Variants in PIK3AP1 observed in about 807,000 individuals in gnomAD.
The protein encoded by PIK3AP1 is phosphoinositide-3-kinase adaptor protein 1.
PIK3AP1 carries 21 observed loss-of-function variants against 88.1 expected under a neutral mutation model. The ratio of observed to expected loss-of-function variants is 0.24; its 90% CI spans 0.17 to 0.34. PIK3AP1 has a LOEUF of 0.34. Among genes scored for constraint, PIK3AP1 ranks in the 10% least tolerant of loss-of-function variants. The pLI, the probability that PIK3AP1 is intolerant of heterozygous loss-of-function variation, is 1.00. For synonymous variants in PIK3AP1, 398 were observed against 400.0 expected (o/e 1.00, Z 0.06); for missense variants, 828 against 1,035.7 (o/e 0.80, Z 2.75).
chr10:96,595,482 C>T lies in PIK3AP1; in HGVS notation c.*95G>A. On this transcript the variant is annotated 3_prime_UTR_variant, in exon 17 of 17. Coordinates refer to ENST00000339364, the MANE Select transcript of PIK3AP1 (RefSeq NM_152309.3). ...CAATGAGAATGGATCTTAAGGTCAA[C>T]AGTCATGCTATAAAACTCAACATGA... 2 of 1,295,308 alleles carry T rather than the reference C, an allele frequency of 1.5e-6. No homozygotes were observed. The highest frequency in any genetic ancestry group is 2.2e-6 in the Non-Finnish European group (2 of 900,782). 80.2% of individuals were successfully genotyped at this position (1,295,308 alleles called of 1,614,324 possible). A position where few individuals can be genotyped will look rare whatever the true frequency, so the allele number is the denominator to read the frequency against.
At chr10:96,623,561 T>G in intron 10 of PIK3AP1, 24 bp from the exon 11 acceptor site, 2 of 1,565,898 alleles carry the variant, frequency 1.3e-6, no homozygotes, top group Non-Finnish European at 1.8e-6. Context: ...AATATTCTGA[T>G]TACTGAAAAA....
At chr10:96,613,344 G>A (rs1849160264) in intron 13 of PIK3AP1, among the ~76,000 whole-genome samples, 1 of 152,072 alleles carries the variant, frequency 6.6e-6, no homozygotes, top group Non-Finnish European at 1.5e-5. Flanking sequence ...TTTTATGTTA[G>A]GCATATTTTA....
intron 16 of PIK3AP1, among the ~76,000 whole-genome samples, chr10:96,596,124 A>G (rs973724343): frequency 2.0e-5 from 3 of 152,024 alleles, no homozygotes; most frequent in Non-Finnish European, 2.9e-5. Context: ...GCATGCCCCA[A>G]CCACCTCCTC....
intron 2 of PIK3AP1, among the ~76,000 whole-genome samples, chr10:96,702,417 T>G (rs2134284432): frequency 6.6e-6 from 1 of 151,146 alleles, no homozygotes; most frequent in Non-Finnish European, 1.5e-5. Context: ...GAGAATCGCT[T>G]GAACCGTGGA....
intron 1 of PIK3AP1, among the ~76,000 whole-genome samples, chr10:96,711,358 GTTACCACTGT>G (rs1481208176): frequency 6.6e-6 from 1 of 152,184 alleles, no homozygotes; most frequent in African/African-American, 2.4e-5. Flanking sequence ...TAATGTAACT[GTTACCACTGT>G]TTTGGGTCAT....
intron 2 of PIK3AP1, among the ~76,000 whole-genome samples, chr10:96,691,473 T>A (rs1001452491): frequency 2.3e-4 from 22 of 95,876 alleles, no homozygotes; most frequent in Non-Finnish European, 3.8e-4. Flanking sequence ...GATTGTACAG[T>A]TGGGTTTTAT....
rs767133160 is a variant in PIK3AP1 at position 96,651,671 on chromosome 10, C to T, written c.713-20G>A. 32 of 1,610,540 alleles carry T rather than the reference C, an allele frequency of 2.0e-5. No individual in the cohort carries two copies. The highest frequency in any genetic ancestry group is 2.3e-5 in the Non-Finnish European group (27 of 1,178,846). On this transcript the variant is annotated intron_variant, in intron 4 of 16. Coordinates refer to ENST00000339364, the MANE Select transcript of PIK3AP1 (RefSeq NM_152309.3). ...AAAGGTCTGAACAGAAGAAAAGACA[C>T]TATCAAAATTCCCAGGAAAAACAAG... is the stretch of plus-strand genomic sequence containing the variant.
rs763923650 is a variant in PIK3AP1 at position 96,711,739 on chromosome 10, A to ATTTTTTTTTTTTTTTTTTTT, written c.14-1776_14-1757dup. ...ATTTCCCCCAGGATGAGATTACCAA[A>ATTTTTTTTTTTTTTTTTTTT]TTTTTTTTTTTTTTTTTTTTTTTTT... On this transcript the variant is annotated intron_variant, in intron 1 of 16. Transcript: ENST00000339364. Among the ~76,000 whole-genome samples the ATTTTTTTTTTTTTTTTTTTT allele has an allele frequency of 2.4e-4, 16 of 66,446 alleles. 3 individuals carry two copies. Among genetic ancestry groups the ATTTTTTTTTTTTTTTTTTTT allele is most frequent in the African/African-American group, 1.1e-3 (15 of 14,256 alleles). The allele number at this position is 66,446 out of a possible 152,430, so 43.6% of individuals were successfully genotyped here.
intron 2 of PIK3AP1, among the ~76,000 whole-genome samples, chr10:96,702,497 C>CA (rs573292210): frequency 0.064 from 6,119 of 95,614 alleles, 411 homozygotes; most frequent in African/African-American, 0.19. Context: ...GACTTCGTCT[C>CA]AAAAAAAAAA....
At chr10:96,708,847 T>C (rs893720742) in intron 2 of PIK3AP1, among the ~76,000 whole-genome samples, 1 of 151,768 alleles carries the variant, frequency 6.6e-6, no homozygotes, top group Non-Finnish European at 1.5e-5. Context: ...AAACAATGCC[T>C]TGGCGGGGCA....
At chr10:96,636,255 A>T (rs931452908) in intron 8 of PIK3AP1, among the ~76,000 whole-genome samples, 35 of 149,830 alleles carry the variant, frequency 2.3e-4, no homozygotes, top group Middle Eastern at 6.9e-3. Context: ...TACAAAAATT[A>T]AAAAAAATTA....
At chr10:96,687,507 G>A (rs1282682146) in intron 2 of PIK3AP1, among the ~76,000 whole-genome samples, 2 of 152,130 alleles carry the variant, frequency 1.3e-5, no homozygotes, top group Non-Finnish European at 2.9e-5. Context: ...TCCTGAGAGT[G>A]AATGCCCAAC....
At chr10:96,715,390 C>T (rs564341750) in intron 1 of PIK3AP1, among the ~76,000 whole-genome samples, 2 of 152,222 alleles carry the variant, frequency 1.3e-5, no homozygotes, top group Admixed American at 6.5e-5. Flanking sequence ...AAGGACATTA[C>T]ATAAAAACTA....
chr10:96,622,000 T>C (rs141846571), intron 11 of PIK3AP1, among the ~76,000 whole-genome samples: 83 of 152,330 alleles, frequency 5.4e-4, no homozygotes, highest in Non-Finnish European at 8.2e-4. Flanking sequence ...CTTAAATCCA[T>C]ACCCAGAAGA....
chr10:96,669,751 C>T (rs1425541012), intron 2 of PIK3AP1: 1 of 152,316 alleles, frequency 6.6e-6, no homozygotes, highest in Non-Finnish European at 1.5e-5. Context: ...CAGAGCAAGA[C>T]CCTGTCTCAA....
chr10:96,597,271 T>C lies in PIK3AP1; in HGVS notation c.2361-1637A>G, dbSNP rs111430439. On this transcript the variant is annotated intron_variant, in intron 16 of 16. Coordinates refer to ENST00000339364, the MANE Select transcript of PIK3AP1 (RefSeq NM_152309.3). ...CCTTCTTTTTTTCTTTCTTTCTTTC[T>C]TTCCTTCCTTCCTTCCTTCCTTCCT... Among the ~76,000 whole-genome samples the C allele has an allele frequency of 5.6e-3, 601 of 107,550 alleles. 3 individuals are homozygous for C. The highest frequency in any genetic ancestry group is 0.022 in the African/African-American group (531 of 24,264). The allele number at this position is 107,550 out of a possible 152,430, so 70.6% of individuals were successfully genotyped here.
intron 2 of PIK3AP1, among the ~76,000 whole-genome samples, chr10:96,671,728 C>T (rs1204383507): frequency 6.6e-6 from 1 of 152,072 alleles, no homozygotes; most frequent in Non-Finnish European, 1.5e-5. Flanking sequence ...CCTACAGATA[C>T]TTTCCTAATT....
intron 3 of PIK3AP1, among the ~76,000 whole-genome samples, chr10:96,654,358 T>A (rs1843585846): frequency 6.6e-6 from 1 of 152,028 alleles, no homozygotes. Flanking sequence ...TCCCCAGATA[T>A]TCCTCCTAAG....
Position 96,645,462 on chromosome 10 carries a change from G to C in PIK3AP1, c.1375+11C>G. 6.2e-7 allele frequency: 1 copy of C among 1,611,226 alleles called. No individual in the cohort carries two copies. The highest frequency in any genetic ancestry group is 8.5e-7 in the Non-Finnish European group (1 of 1,178,922). On this transcript the variant is annotated intron_variant, in intron 8 of 16. Coordinates refer to ENST00000339364, the MANE Select transcript of PIK3AP1 (RefSeq NM_152309.3). ...AGAAAGGTGGAAGCAGAACTGGGTT[G>C]TGCTACTTACAGAGGTCTTCAGTGG...
Sources: gnomAD v4.1 joint callset for allele counts (sites outside exome capture counted in the v4.1 genomes callset) on GRCh38, gnomAD v4.1.1 for gene constraint, MANE v1.5 for transcripts, NCBI Gene and HGNC (gene_info 2026-07-23, HGNC 2026-07-21) for gene names.